CCDC88A: variants seen among roughly 807,000 people sequenced by gnomAD.
CCDC88A encodes the protein coiled-coil and HOOK domain protein 88A.
In CCDC88A, 54 loss-of-function variants were observed where a neutral mutation model predicts 234.3. The observed-to-expected ratio is 0.23, with a 90% CI of 0.19 to 0.29. The LOEUF is 0.29. Among genes scored for constraint, CCDC88A ranks in the 10% least tolerant of loss-of-function variants. The pLI is 1.00. For synonymous variants in CCDC88A, 753 were observed against 737.8 expected, an observed-to-expected ratio of 1.02 and a Z score of -0.33; for missense variants, 1,832 against 2,123.4, an observed-to-expected ratio of 0.86 and a Z score of 2.70.
At chr2:55,400,647 G>T (rs570194662) in intron 2 of CCDC88A, among the ~76,000 whole-genome samples, 1 of 152,162 alleles carries the variant, frequency 6.6e-6, no homozygotes, top group Non-Finnish European at 1.5e-5. Context: ...TCTGAGATTT[G>T]GTCCTTGTAT....
At chr2:55,345,867 A>C in intron 10 of CCDC88A, 1 of 193,670 alleles carries the variant, frequency 5.2e-6, no homozygotes, top group Non-Finnish European at 1.0e-5. Context: ...TTTGGAAAAA[A>C]GTCTGAAATA....
In CCDC88A at chr2:55,403,485, T is replaced by C. The variant is rs146165418; in HGVS notation, c.165-14599A>G. On this transcript the variant is annotated intron_variant, in intron 2 of 32. Transcript: ENST00000436346. ...CCTTACAAGTGTGTAACGAGAAGAATACAATGATTGCCCACACAATTTGGT... is the reference window on the plus strand; with the variant it reads ...CCTTACAAGTGTGTAACGAGAAGAACACAATGATTGCCCACACAATTTGGT... The C allele has an allele frequency of 4.5e-4, 69 of 152,352 alleles. 1 individual carries two copies. The highest frequency in any genetic ancestry group is 1.5e-3 in the African/African-American group (64 of 41,592). The allele number at this position is 152,352 out of a possible 1,614,324, so 9.4% of individuals were successfully genotyped here.
chr2:55,310,077 A>C (rs1682147751), intron 23 of CCDC88A, among the ~76,000 whole-genome samples: 1 of 152,212 alleles, frequency 6.6e-6, no homozygotes, highest in South Asian at 2.1e-4. Flanking sequence ...AAGAATGCTA[A>C]ATTACATGTT....
chr2:55,409,788 C>T lies in CCDC88A; in HGVS notation c.164+9028G>A, dbSNP rs930603436. Among the ~76,000 whole-genome samples, 8 of 148,636 alleles carry T rather than the reference C, an allele frequency of 5.4e-5. No individual in the cohort carries two copies. In the South Asian group the frequency reaches 8.6e-4, roughly 16 times the overall value. Reference sequence around the variant, plus strand: ...GACAGAGTCTCACTGTCACCCAAGCCGGAGTGCAGTGGCGCAATCTCGGCT... The same window carrying T: ...GACAGAGTCTCACTGTCACCCAAGCTGGAGTGCAGTGGCGCAATCTCGGCT... On this transcript the variant is annotated intron_variant, in intron 2 of 32. Coordinates refer to ENST00000436346, the MANE Select transcript of CCDC88A (RefSeq NM_001365480.1).
intron 2 of CCDC88A, among the ~76,000 whole-genome samples, chr2:55,411,861 A>C (rs1680555797): frequency 6.6e-6 from 1 of 151,824 alleles, no homozygotes; most frequent in African/African-American, 2.4e-5. Flanking sequence ...TGTATATTCT[A>C]ATACTATAAA....
At chr2:55,407,952 A>C (rs1679882799) in intron 2 of CCDC88A, among the ~76,000 whole-genome samples, 1 of 151,134 alleles carries the variant, frequency 6.6e-6, no homozygotes, top group Non-Finnish European at 1.5e-5. Context: ...TTCTGACCTC[A>C]AGTGATCCAC....
At chr2:55,344,347 G>A in intron 11 of CCDC88A, 21 bp downstream of exon 11, 2 of 1,533,436 alleles carry the variant, frequency 1.3e-6, no homozygotes, top group Non-Finnish European at 1.8e-6. Context: ...CCATGTAACT[G>A]ATCTACCTCT....
rs1215441704 is a variant in CCDC88A, at chr2:55,349,767, T to A, written c.801-168A>T. ...AAAAGATAGATATTAGGAATTTATA[T>A]AATTAGATGCCATTAATAAAACCTC... On this transcript the variant is annotated intron_variant, in intron 8 of 32. Coordinates refer to ENST00000436346, the MANE Select transcript of CCDC88A (RefSeq NM_001365480.1). 4 of 507,318 alleles carry A rather than the reference T, an allele frequency of 7.9e-6. No homozygotes were observed. The South Asian group carries it at 1.4e-4, about 18-fold the overall frequency. 31.4% of individuals were successfully genotyped at this position (507,318 alleles called of 1,614,324 possible).
intron 2 of CCDC88A, chr2:55,417,994 A>G (rs1558863160): frequency 6.6e-6 from 1 of 152,192 alleles, no homozygotes; most frequent in Non-Finnish European, 1.5e-5. Flanking sequence ...TAGCGTACTT[A>G]GAATACACGT....
intron 28 of CCDC88A, chr2:55,300,426 A>G (rs1170834216): frequency 6.5e-6 from 1 of 152,696 alleles, no homozygotes; most frequent in Non-Finnish European, 1.5e-5. Flanking sequence ...TTCCTTTAAC[A>G]TGTTATCCAC....
At chr2:55,347,229 A>C (rs534793738) in intron 9 of CCDC88A, among the ~76,000 whole-genome samples, 2 of 152,150 alleles carry the variant, frequency 1.3e-5, no homozygotes, top group Non-Finnish European at 2.9e-5. Flanking sequence ...TTAAAATCCA[A>C]CCTTTTAAAA....
chr2:55,375,020 A>G, intron 3 of CCDC88A, 137 bp from the exon 4 acceptor site: 1 of 529,598 alleles, frequency 1.9e-6, no homozygotes, highest in South Asian at 3.2e-5. Flanking sequence ...AAAGTTATAT[A>G]AGGTCTTAAA....
chr2:55,334,235 C>T lies in CCDC88A; in HGVS notation c.2586G>A (p.Leu862=). Residue 862 remains leucine, a synonymous_variant, in exon 15 of 33, where the codon TTG becomes TTA. Transcript: ENST00000436346. The surrounding 1 kb of genome is among the most constrained non-coding windows in gnomAD (Gnocchi z 6.1). ...TGGATAGGGTTTTGTTTTCTTTTTC[C>T]AAATTTCCAATCTTCACATTATTTT... ...LEENNVKIGN[L]EKENKTLSKE... 3 of 1,441,516 alleles carry T rather than the reference C, an allele frequency of 2.1e-6. No individual in the cohort carries two copies. The highest frequency in any genetic ancestry group is 3.7e-5 in the South Asian group (2 of 54,720). The allele number at this position is 1,441,516 out of a possible 1,614,324, so 89.3% of individuals were successfully genotyped here.
chr2:55,344,644 GA>G, intron 10 of CCDC88A, 130 bp from the exon 11 acceptor site: 1 of 458,366 alleles, frequency 2.2e-6, no homozygotes, highest in Non-Finnish European at 3.7e-6. Context: ...CTGAGTAATA[GA>G]AATACAATTA....
intron 2 of CCDC88A, chr2:55,399,893 G>GA (rs1678320169): frequency 6.6e-6 from 1 of 152,054 alleles, no homozygotes; most frequent in Non-Finnish European, 1.5e-5. Flanking sequence ...TATAAAGACA[G>GA]AAAAAACACT....
chr2:55,344,896 A>G (rs756151918), intron 10 of CCDC88A, among the ~76,000 whole-genome samples: 6 of 152,222 alleles, frequency 3.9e-5, no homozygotes, highest in Non-Finnish European at 7.4e-5. Flanking sequence ...ACTTGGAGCT[A>G]TAACTTGGAA....
intron 3 of CCDC88A, among the ~76,000 whole-genome samples, chr2:55,386,634 G>A (rs761483986): frequency 6.6e-6 from 1 of 151,606 alleles, no homozygotes; most frequent in African/African-American, 2.4e-5. Context: ...ACCAAGGCTG[G>A]CTAATTTTTG....
chr2:55,328,494 A>G lies in CCDC88A; in HGVS notation c.2856-59T>C. On this transcript the variant is annotated intron_variant, in intron 16 of 32. Coordinates refer to ENST00000436346, the MANE Select transcript of CCDC88A (RefSeq NM_001365480.1). The surrounding 1 kb of genome is among the most constrained non-coding windows in gnomAD (Gnocchi z 4.3). Reference sequence around the variant, plus strand: ...GGAGGTCAGAAAATTATTTTTAAAGATAATTTATGACCACAAATATTCATG... The same window carrying G: ...GGAGGTCAGAAAATTATTTTTAAAGGTAATTTATGACCACAAATATTCATG... The G allele has an allele frequency of 8.2e-7, 1 of 1,226,190 alleles. No individual in the cohort carries two copies. The highest frequency in any genetic ancestry group is 1.1e-6 in the Non-Finnish European group (1 of 904,310). 76.0% of individuals were successfully genotyped at this position (1,226,190 alleles called of 1,614,324 possible). A position where few individuals can be genotyped will look rare whatever the true frequency, so the allele number is the denominator to read the frequency against.
rs1017711895 is a variant in CCDC88A, at chr2:55,312,490, A to C, written c.4023T>G (p.Leu1341=). 1 of 1,612,074 alleles carries C rather than the reference A, an allele frequency of 6.2e-7. No individual in the cohort carries two copies. Among genetic ancestry groups the C allele is most frequent in the African/African-American group, 1.3e-5 (1 of 74,520 alleles). Residue 1341 remains leucine, a synonymous_variant, in exon 23 of 33, where the codon CTT becomes CTG. Transcript: ENST00000436346. ...IQTLMLQNRT[L]LEQNMESKDL... ...CCTTGCTTTCCATATTCTGCTCCAA[A>C]AGTGTTCTGTTCTGTAGCATTAATG...
Sources: gnomAD v4.1 joint callset for allele counts (sites outside exome capture counted in the v4.1 genomes callset) on GRCh38, gnomAD v4.1.1 for gene constraint, Gnocchi (gnomAD v3.1) non-coding constraint, MANE v1.5 for transcripts, NCBI Gene and HGNC (gene_info 2026-07-23, HGNC 2026-07-21) for gene names.